The following DLGAP3 variants were observed in gnomAD, a reference collection of about 807,000 sequenced individuals.
DLGAP3 encodes the protein disks large-associated protein 3.
A neutral mutation model predicts 81.2 loss-of-function variants in DLGAP3; 17 were observed. The observed-to-expected ratio is 0.21, with a 90% CI of 0.14 to 0.31. The LOEUF (loss-of-function observed/expected upper bound fraction) is 0.31, where lower values mean the gene tolerates loss of function less well. Among genes scored for constraint, DLGAP3 ranks in the 10% least tolerant of loss-of-function variants. The pLI is 1.00. For synonymous variants in DLGAP3, 577 were observed against 587.4 expected (o/e 0.98, Z 0.26); for missense variants, 1,124 against 1,388.0 (o/e 0.81, Z 3.02).
At chr1:34,885,955 C>A in intron 6 of DLGAP3, 117 bp downstream of exon 6, 2 of 1,225,372 alleles carry the variant, frequency 1.6e-6, no homozygotes, top group Non-Finnish European at 2.2e-6. Context: ...CCCCGTCATC[C>A]GACCCCGGGA....
intron 1 of DLGAP3, among the ~76,000 whole-genome samples, chr1:34,910,459 G>A (rs1639621748): frequency 6.6e-6 from 1 of 152,176 alleles, no homozygotes. Context: ...ATGTTCTTAG[G>A]ATAAAATGCC....
At chr1:34,876,803 C>T (rs1639066238) in intron 8 of DLGAP3, among the ~76,000 whole-genome samples, 1 of 152,172 alleles carries the variant, frequency 6.6e-6, no homozygotes, top group African/African-American at 2.4e-5. Flanking sequence ...AGCACTTACA[C>T]AAGAGCAAGG....
chr1:34,916,343 T>A (rs527288998), intron 1 of DLGAP3, among the ~76,000 whole-genome samples: 1 of 152,204 alleles, frequency 6.6e-6, no homozygotes, highest in South Asian at 2.1e-4. Flanking sequence ...ACTGAATACA[T>A]TGAATACATT....
At chr1:34,874,876 A>G (rs746024456) in intron 8 of DLGAP3, among the ~76,000 whole-genome samples, 30 of 152,100 alleles carry the variant, frequency 2.0e-4, no homozygotes, top group Non-Finnish European at 2.6e-4. Flanking sequence ...TCAACTAGGC[A>G]TAGCCTTCAA....
Position 34,900,182 on chromosome 1 carries a change from G to A in DLGAP3, c.1199C>T (p.Ala400Val), listed in dbSNP as rs1639434323. The A allele has an allele frequency of 6.2e-7, 1 of 1,613,994 alleles. No individual in the cohort carries two copies. Among genetic ancestry groups the A allele is most frequent in the Admixed American group, 1.7e-5 (1 of 60,018 alleles). The change falls in exon 4 of 12, where the codon GCC becomes GTC. Residue 400 changes from alanine to valine, a missense_variant. Coordinates refer to ENST00000373347, the MANE Select transcript of DLGAP3 (RefSeq NM_001080418.3). The surrounding 1 kb of genome is among the most constrained non-coding windows in gnomAD (Gnocchi z 5.6). Reference sequence around the variant, plus strand: ...GTCTCCGCTCTCCTCATCCCCCATGGCTTTGATGTAGCTGCCGCTCCGCAT... The same window carrying A: ...GTCTCCGCTCTCCTCATCCCCCATGACTTTGATGTAGCTGCCGCTCCGCAT... Reference protein sequence around the residue: ...RRMRSGSYIKAMGDEESGDSD... With the variant: ...RRMRSGSYIKVMGDEESGDSD...
Position 34,904,685 on chromosome 1 carries a change from G to A in DLGAP3, c.699C>T (p.His233=). Residue 233 remains histidine (H), a synonymous_variant, in exon 3 of 12, where the codon CAC becomes CAT. Transcript: ENST00000373347. This position sits in a 1 kb window ranked among gnomAD's most constrained non-coding sequence, Gnocchi z 8.1. ...HHHHHHHHHH[H]HQSRHGKRSK... ...TCCTCTTGCCGTGCCGGGACTGGTG[G>A]TGGTGGTGATGGTGGTGGTGATGGT... The A allele has an allele frequency of 6.2e-7, 1 of 1,613,956 alleles. No individual in the cohort carries two copies. Among genetic ancestry groups the A allele is most frequent in the Non-Finnish European group, 8.5e-7 (1 of 1,179,994 alleles).
At chr1:34,866,453 C>T (rs1046713790) in intron 11 of DLGAP3, 152 bp from the exon 12 acceptor site, 10 of 674,866 alleles carry the variant, frequency 1.5e-5, no homozygotes, top group African/African-American at 1.5e-4. Flanking sequence ...TGACCTGAAG[C>T]CCCAGGTGCT....
chr1:34,881,424 G>T (rs1442328261), intron 8 of DLGAP3, among the ~76,000 whole-genome samples: 2 of 152,160 alleles, frequency 1.3e-5, no homozygotes, highest in African/African-American at 2.4e-5. Context: ...TGTGTAACTT[G>T]CAGGAAGTCT....
rs1378970542 is a variant in DLGAP3, at chr1:34,895,477, C to T, written c.1386+4192G>A. Among the ~76,000 whole-genome samples the T allele has an allele frequency of 6.6e-6, 1 of 151,752 alleles. No individual in the cohort carries two copies. Among genetic ancestry groups the T allele is most frequent in the African/African-American group, 2.4e-5 (1 of 41,338 alleles). On this transcript the variant is annotated intron_variant, in intron 5 of 11. Transcript: ENST00000373347. This position sits in a 1 kb window ranked among gnomAD's most constrained non-coding sequence, Gnocchi z 4.5. The stretch of plus-strand genomic sequence containing the variant: ...CATCCAATATTCAAGGATAATAATA[C>T]TTAATATTGTTAAGAATACAATACT...
intron 8 of DLGAP3, among the ~76,000 whole-genome samples, chr1:34,876,421 A>G (rs1639058047): frequency 6.6e-6 from 1 of 152,224 alleles, no homozygotes; most frequent in South Asian, 2.1e-4. Context: ...GCGAGACAGC[A>G]GTAAGGACAA....
In DLGAP3 at chr1:34,900,393, C is replaced by A; in HGVS notation, c.1108-120G>T. On this transcript the variant is annotated intron_variant, in intron 3 of 11. Transcript: ENST00000373347. This position sits in a 1 kb window ranked among gnomAD's most constrained non-coding sequence, Gnocchi z 5.6. ...TGGCTTGAACAGGCACACTCAGGTA[C>A]ATGCAGAGGCAGAAGGGGAGGTAGG... 1 of 1,008,928 alleles carries A rather than the reference C, an allele frequency of 9.9e-7. No homozygotes were observed. The highest frequency in any genetic ancestry group is 1.5e-6 in the Non-Finnish European group (1 of 650,702). The allele number at this position is 1,008,928 out of a possible 1,614,324, so 62.5% of individuals were successfully genotyped here.
Position 34,904,460 on chromosome 1 carries a change from C to T in DLGAP3, c.924G>A (p.Ser308=), listed in dbSNP as rs753640455. ...CAGTGCAGGCAAGGCAGCGGCCTTC[C>T]GACCCGCCCGAGCGCCCCTTGAAGC... The part of the protein sequence containing the change: ...DLSFKGRSGG[S]EGRCLACTGM... Residue 308 remains serine, a synonymous_variant, in exon 3 of 12, where the codon TCG becomes TCA. Transcript: ENST00000373347. This position sits in a 1 kb window ranked among gnomAD's most constrained non-coding sequence, Gnocchi z 8.1. The T allele has an allele frequency of 7.4e-6, 12 of 1,614,044 alleles. No homozygotes were observed. The highest frequency in any genetic ancestry group is 3.3e-5 in the Admixed American group (2 of 60,004).
chr1:34,890,331 T>C (rs143950324), intron 5 of DLGAP3, among the ~76,000 whole-genome samples: 1 of 152,318 alleles, frequency 6.6e-6, no homozygotes, highest in East Asian at 1.9e-4. Context: ...CACAGATAAA[T>C]TTCCATTGAA....
At position 34,868,497 on chromosome 1, in the gene DLGAP3, G is replaced by T; in HGVS notation, c.2485+108C>A. ...GCAGAAGACCAGTGAGGCACCAACC[G>T]AAGGGGCCTCCTGTTACACTGCAGC... On this transcript the variant is annotated intron_variant, in intron 9 of 11. Coordinates refer to ENST00000373347, the MANE Select transcript of DLGAP3 (RefSeq NM_001080418.3). This position sits in a 1 kb window ranked among gnomAD's most constrained non-coding sequence, Gnocchi z 7.5. The T allele has an allele frequency of 1.1e-6, 1 of 927,430 alleles. No homozygotes were observed. The highest frequency in any genetic ancestry group is 1.3e-5 in the South Asian group (1 of 74,662). The allele number at this position is 927,430 out of a possible 1,614,324, so 57.5% of individuals were successfully genotyped here. A position where few individuals can be genotyped will look rare whatever the true frequency, so the allele number is the denominator to read the frequency against.
chr1:34,870,633 C>T (rs563094317), intron 8 of DLGAP3, among the ~76,000 whole-genome samples: 1 of 152,326 alleles, frequency 6.6e-6, no homozygotes, highest in Non-Finnish European at 1.5e-5. Context: ...CAGTCTCCAA[C>T]GAGCCCTATG....
At chr1:34,889,016 T>C (rs372208021) in intron 5 of DLGAP3, among the ~76,000 whole-genome samples, 4 of 152,322 alleles carry the variant, frequency 2.6e-5, no homozygotes, top group Non-Finnish European at 4.4e-5. Flanking sequence ...CTCTGTTGTA[T>C]ATTTCTGTAT....
intron 8 of DLGAP3, among the ~76,000 whole-genome samples, chr1:34,871,421 A>T (rs1309031923): frequency 6.6e-6 from 1 of 151,636 alleles, no homozygotes. Context: ...CCACAAGACC[A>T]CTCCTGAGTA....
chr1:34,900,415 T>A lies in DLGAP3; in HGVS notation c.1108-142A>T. On this transcript the variant is annotated intron_variant, in intron 3 of 11. Transcript: ENST00000373347. The surrounding 1 kb of genome is among the most constrained non-coding windows in gnomAD (Gnocchi z 5.6). The stretch of plus-strand genomic sequence containing the variant: ...GTACATGCAGAGGCAGAAGGGGAGG[T>A]AGGGTCTCAGGCTGTCCCCGTCCCT... 1.2e-6 allele frequency: 1 copy of A among 857,560 alleles called. No individual in the cohort carries two copies. Among genetic ancestry groups the A allele is most frequent in the Non-Finnish European group, 1.9e-6 (1 of 525,264 alleles). The allele number at this position is 857,560 out of a possible 1,614,324, so 53.1% of individuals were successfully genotyped here.
rs533115603 is a variant in DLGAP3 at position 34,868,286 on chromosome 1, G to A, written c.2485+319C>T. Among the ~76,000 whole-genome samples the A allele has an allele frequency of 9.9e-5, 15 of 152,276 alleles. No homozygotes were observed. The highest frequency in any genetic ancestry group is 2.1e-4 in the South Asian group (1 of 4,826). On this transcript the variant is annotated intron_variant, in intron 9 of 11. Coordinates refer to ENST00000373347, the MANE Select transcript of DLGAP3 (RefSeq NM_001080418.3). This position sits in a 1 kb window ranked among gnomAD's most constrained non-coding sequence, Gnocchi z 7.5. ...TCCCCACACCAGTCCAGATCTGAAC[G>A]GAGTTCCCTTAGTCCCCATAAACTT... is the stretch of plus-strand genomic sequence containing the variant.
Sources: gnomAD v4.1 joint callset for allele counts (sites outside exome capture counted in the v4.1 genomes callset) on GRCh38, gnomAD v4.1.1 for gene constraint, Gnocchi (gnomAD v3.1) non-coding constraint, MANE v1.5 for transcripts, NCBI Gene and HGNC (gene_info 2026-07-23, HGNC 2026-07-21) for gene names.